Variants in KCNT2 observed in about 807,000 individuals in gnomAD.
KCNT2 encodes potassium channel subfamily T member 2.
Under a neutral mutation model 153.8 loss-of-function variants are expected in KCNT2, and 67 were observed. The ratio of observed to expected loss-of-function variants is 0.44; its 90% CI spans 0.36 to 0.53. The LOEUF is 0.53. Ranked by LOEUF, KCNT2 falls within the 20% of genes least tolerant of loss-of-function variation. KCNT2 has a pLI of 0.00. For missense variants in KCNT2, 975 were observed against 1,354.8 expected (o/e 0.72, Z 4.40); for synonymous variants, 500 against 458.8 (o/e 1.09, Z -1.15).
At chr1:196,422,279 G>T (rs1003551323) in intron 12 of KCNT2, among the ~76,000 whole-genome samples, 6 of 152,022 alleles carry the variant, frequency 3.9e-5, no homozygotes, top group Admixed American at 1.3e-4. Context: ...ACGTATACCT[G>T]AAAGATCTAT....
chr1:196,339,520 C>CACAGAGAGAGAG (rs1005738965), intron 16 of KCNT2, among the ~76,000 whole-genome samples: 23 of 138,014 alleles, frequency 1.7e-4, no homozygotes, highest in African/African-American at 6.6e-4. Context: ...CACACACACA[C>CACAGAGAGAGAG]AGAGAGAGAG....
chr1:196,541,644 A>T (rs1156951414), intron 1 of KCNT2, among the ~76,000 whole-genome samples: 4 of 152,152 alleles, frequency 2.6e-5, no homozygotes, highest in Non-Finnish European at 2.9e-5. Context: ...TTACACAGAA[A>T]AACTTTGCTG....
chr1:196,434,796 C>G (rs1477016288), intron 8 of KCNT2, among the ~76,000 whole-genome samples: 1 of 151,760 alleles, frequency 6.6e-6, no homozygotes, highest in Non-Finnish European at 1.5e-5. Flanking sequence ...CCTTAAGAGA[C>G]ATTGCAGCTC....
intron 12 of KCNT2, among the ~76,000 whole-genome samples, chr1:196,416,912 G>A (rs187532017): frequency 7.3e-4 from 110 of 151,622 alleles, no homozygotes; most frequent in African/African-American, 1.5e-3. Flanking sequence ...CAATCTCCCC[G>A]TCACCACTCC....
chr1:196,262,693 G>A (rs1445786833), intron 25 of KCNT2, among the ~76,000 whole-genome samples: 4 of 151,918 alleles, frequency 2.6e-5, no homozygotes, highest in Non-Finnish European at 2.9e-5. Context: ...ATATGTACAC[G>A]TGGTCTGTGA....
At chr1:196,270,091 A>T (rs539243008) in intron 25 of KCNT2, among the ~76,000 whole-genome samples, 1 of 152,058 alleles carries the variant, frequency 6.6e-6, no homozygotes, top group African/African-American at 2.4e-5. Flanking sequence ...TCTTTTCTAA[A>T]GGTATAGAAT....
intron 12 of KCNT2, chr1:196,404,228 C>G: frequency 1.8e-6 from 1 of 559,036 alleles, no homozygotes; most frequent in South Asian, 7.8e-5. Flanking sequence ...ACAGCCTAAT[C>G]TAAAAACTTG....
intron 27 of KCNT2, among the ~76,000 whole-genome samples, chr1:196,233,077 C>A (rs2102224684): frequency 1.3e-5 from 2 of 151,336 alleles, no homozygotes; most frequent in East Asian, 1.9e-4. Context: ...AAAAGAACAG[C>A]TTTATTTTAT....
At chr1:196,302,683 G>A (rs971032999) in intron 22 of KCNT2, among the ~76,000 whole-genome samples, 1 of 151,408 alleles carries the variant, frequency 6.6e-6, no homozygotes, top group Non-Finnish European at 1.5e-5. Flanking sequence ...GAAGTTGACT[G>A]CCTCTCTCTA....
intron 14 of KCNT2, among the ~76,000 whole-genome samples, chr1:196,372,257 A>G (rs1207160399): frequency 6.6e-6 from 1 of 151,910 alleles, no homozygotes; most frequent in African/African-American, 2.4e-5. Flanking sequence ...TAAATTAACA[A>G]CTTATCCATC....
intron 26 of KCNT2, among the ~76,000 whole-genome samples, chr1:196,246,041 C>T (rs1312963674): frequency 1.3e-5 from 2 of 152,038 alleles, no homozygotes; most frequent in Non-Finnish European, 2.9e-5. Context: ...TACTTTAAGA[C>T]ATTTAATAAT....
Position 196,467,293 on chromosome 1 carries a change from C to A in KCNT2, c.543+410G>T, listed in dbSNP as rs115157602. On this transcript the variant is annotated intron_variant, in intron 7 of 27. Coordinates refer to ENST00000294725, the MANE Select transcript of KCNT2 (RefSeq NM_198503.5). ...TTCTGAACCATTTTTCTTTACCAGT[C>A]ATAGGACCCTACAAAGGTAGTAACT... 9.7e-4 allele frequency among the ~76,000 whole-genome samples: 148 copies of A among 152,040 alleles called. 1 individual carries two copies. The highest frequency in any genetic ancestry group is 3.4e-3 in the Middle Eastern group (1 of 294).
At position 196,381,769 on chromosome 1, in the gene KCNT2, A is replaced by T. The variant is rs552372900; in HGVS notation, c.1295-8521T>A. 2.0e-5 allele frequency among the ~76,000 whole-genome samples: 3 copies of T among 152,232 alleles called. No individual in the cohort carries two copies. The South Asian group carries it at 6.2e-4, about 32-fold the overall frequency. On this transcript the variant is annotated intron_variant, in intron 13 of 27. Coordinates refer to ENST00000294725, the MANE Select transcript of KCNT2 (RefSeq NM_198503.5). ...ATTACACTGAACTGATGACTGAGAA[A>T]ACACAACCACCAAGCTCCCCGAACA...
intron 22 of KCNT2, among the ~76,000 whole-genome samples, chr1:196,299,211 C>A (rs112275408): frequency 6.6e-6 from 1 of 152,138 alleles, no homozygotes; most frequent in Non-Finnish European, 1.5e-5. Context: ...TCCTTGCCTT[C>A]TCCATCTCTA....
intron 13 of KCNT2, among the ~76,000 whole-genome samples, chr1:196,387,910 T>C (rs1670134375): frequency 6.6e-6 from 1 of 151,706 alleles, no homozygotes; most frequent in African/African-American, 2.4e-5. Context: ...AGGTTTAATT[T>C]TGATGAAAGC....
chr1:196,332,210 T>C (rs1284281550), intron 17 of KCNT2, among the ~76,000 whole-genome samples: 1 of 152,198 alleles, frequency 6.6e-6, no homozygotes, highest in Non-Finnish European at 1.5e-5. Context: ...TAAAATTTTG[T>C]AAATTTAGAA....
intron 14 of KCNT2, among the ~76,000 whole-genome samples, chr1:196,348,000 T>C (rs1365441708): frequency 6.6e-6 from 1 of 152,138 alleles, no homozygotes; most frequent in Admixed American, 6.6e-5. Flanking sequence ...TTTACCACTA[T>C]ATCCCCAAGA....
In KCNT2 at chr1:196,334,070, T is replaced by C. The variant is rs1423273566; in HGVS notation, c.1784-10A>G. ...TCTATAGCCACAGTACCTAAAACAA[T>C]AAAACATGAAAATTTATCAAGGCGT... is the stretch of plus-strand genomic sequence containing the variant. On this transcript the variant is annotated splice_polypyrimidine_tract_variant and intron_variant, in intron 16 of 27. Coordinates refer to ENST00000294725, the MANE Select transcript of KCNT2 (RefSeq NM_198503.5). 1.9e-6 allele frequency: 3 copies of C among 1,599,566 alleles called. No individual in the cohort carries two copies. Among genetic ancestry groups the C allele is most frequent in the East Asian group, 2.2e-5 (1 of 44,612 alleles).
chr1:196,440,316 A>C (rs1675112920), intron 8 of KCNT2, among the ~76,000 whole-genome samples: 1 of 151,978 alleles, frequency 6.6e-6, no homozygotes, highest in African/African-American at 2.4e-5. Context: ...TTGGCAGTAA[A>C]TATTAAGCAG....
Sources: gnomAD v4.1 joint callset for allele counts (sites outside exome capture counted in the v4.1 genomes callset) on GRCh38, gnomAD v4.1.1 for gene constraint, MANE v1.5 for transcripts, NCBI Gene and HGNC (gene_info 2026-07-23, HGNC 2026-07-21) for gene names.